The following CCDC174 variants were observed in gnomAD, a reference collection of about 807,000 sequenced individuals.
CCDC174 encodes the protein coiled-coil domain-containing protein 174.
CCDC174 carries 37 observed loss-of-function variants against 57.1 expected under a neutral mutation model. The observed-to-expected ratio is 0.65, with a 90% CI of 0.50 to 0.85. CCDC174 has a LOEUF of 0.85. Ranked by LOEUF, CCDC174 falls within the 40% of genes least tolerant of loss-of-function variation. The pLI, the probability that CCDC174 is intolerant of heterozygous loss-of-function variation, is 0.00. For missense variants in CCDC174, 540 were observed against 574.3 expected, an observed-to-expected ratio of 0.94 and a Z score of 0.61; for synonymous variants, 182 against 190.2, an observed-to-expected ratio of 0.96 and a Z score of 0.35.
At chr3:14,651,946 G>T in intron 1 of CCDC174, 68 bp downstream of exon 1, 1 of 1,497,138 alleles carries the variant, frequency 6.7e-7, no homozygotes, top group South Asian at 1.1e-5. Context: ...CAAGAATGTC[G>T]ACCTAGCTTG....
At chr3:14,652,791 A>G (rs922302527) in intron 1 of CCDC174, among the ~76,000 whole-genome samples, 5 of 151,280 alleles carry the variant, frequency 3.3e-5, no homozygotes, top group Non-Finnish European at 1.5e-5. Flanking sequence ...AATCCCAGCT[A>G]CTCGGGAAGC....
chr3:14,662,629 A>G (rs920094103), intron 5 of CCDC174, among the ~76,000 whole-genome samples: 6 of 152,116 alleles, frequency 3.9e-5, no homozygotes, highest in African/African-American at 1.2e-4. Context: ...TGCTCTGACA[A>G]TTTCCTGGGA....
intron 2 of CCDC174, among the ~76,000 whole-genome samples, chr3:14,654,850 AT>A (rs2030898234): frequency 6.6e-6 from 1 of 152,240 alleles, no homozygotes; most frequent in South Asian, 2.1e-4. Flanking sequence ...TAATATAGGA[AT>A]ATAGCGGAAA....
chr3:14,667,867 ACATCAGAGGGTT>A (rs2031391375), intron 8 of CCDC174, 170 bp from the exon 9 acceptor site: 4 of 606,768 alleles, frequency 6.6e-6, no homozygotes, highest in Non-Finnish European at 1.2e-5. Context: ...ACTTTGTAAG[ACATCAGAGGGTT>A]CATAGGAGAG....
At chr3:14,658,176 A>G (rs1421465452) in intron 3 of CCDC174, among the ~76,000 whole-genome samples, 2 of 152,206 alleles carry the variant, frequency 1.3e-5, no homozygotes, top group African/African-American at 4.8e-5. Context: ...CATCTCTAGA[A>G]TGGGAACTCC....
chr3:14,671,121 A>AC lies in CCDC174; in HGVS notation c.1334dup (p.Pro446ThrfsTer13), dbSNP rs1214992447. 6.2e-7 allele frequency: 1 copy of AC among 1,614,066 alleles called. No individual in the cohort carries two copies. The highest frequency in any genetic ancestry group is 1.1e-5 in the South Asian group (1 of 91,070). On this transcript the variant is annotated frameshift_variant, in exon 11 of 11. Coordinates refer to ENST00000383794, the MANE Select transcript of CCDC174 (RefSeq NM_016474.5). LOFTEE classifies it high-confidence loss of function. ...ACGTCACCCACTCCTGCCCCCGACAACCCACCACAAGCCCCCACAGTTACT... is the reference window on the plus strand; with the variant it reads ...ACGTCACCCACTCCTGCCCCCGACAACCCCACCACAAGCCCCCACAGTTACT...
chr3:14,661,614 A>G lies in CCDC174; in HGVS notation c.392A>G (p.His131Arg). 6.2e-7 allele frequency: 1 copy of G among 1,614,196 alleles called. No individual in the cohort carries two copies. The highest frequency in any genetic ancestry group is 8.5e-7 in the Non-Finnish European group (1 of 1,179,996). The change falls in exon 5 of 11, where the codon CAT (histidine) becomes CGT (arginine). Residue 131 changes from histidine (H) to arginine (R), a missense_variant. By Grantham distance (29) the His-to-Arg change is conservative. Transcript: ENST00000383794. Reference protein sequence around the residue: ...KRKEMEASGAHRDSQKAGERD... With the variant: ...KRKEMEASGARRDSQKAGERD... The stretch of plus-strand genomic sequence containing the variant: ...AAAGAAATGGAGGCATCTGGTGCCC[A>G]TAGAGATTCTCAAAAGGCAGGAGAA...
Position 14,651,770 on chromosome 3 carries a change from G to A in CCDC174, c.-67G>A, listed in dbSNP as rs2030768472. The A allele has an allele frequency of 1.3e-6, 2 of 1,533,310 alleles. No individual in the cohort carries two copies. Among genetic ancestry groups the A allele is most frequent in the African/African-American group, 1.4e-5 (1 of 73,326 alleles). The allele number at this position is 1,533,310 out of a possible 1,614,324, so 95.0% of individuals were successfully genotyped here. ...CGAAGACACTTCCGGTTGCGACGGA[G>A]GTAGGCTTACGAGGCCTGTGTCGGG... On this transcript the variant is annotated 5_prime_UTR_variant, in exon 1 of 11. Coordinates refer to ENST00000383794, the MANE Select transcript of CCDC174 (RefSeq NM_016474.5).
intron 5 of CCDC174, among the ~76,000 whole-genome samples, chr3:14,663,416 G>T (rs1207495136): frequency 6.6e-6 from 1 of 152,144 alleles, no homozygotes. Flanking sequence ...CACATACTAG[G>T]CCTCATTATC....
chr3:14,664,034 T>C (rs2031237804), intron 5 of CCDC174, among the ~76,000 whole-genome samples: 1 of 151,026 alleles, frequency 6.6e-6, no homozygotes, highest in Non-Finnish European at 1.5e-5. Context: ...GATGGTTTTC[T>C]TCCCCCATCC....
At chr3:14,660,737 G>T (rs1184552178) in intron 4 of CCDC174, among the ~76,000 whole-genome samples, 1 of 152,186 alleles carries the variant, frequency 6.6e-6, no homozygotes, top group Non-Finnish European at 1.5e-5. Context: ...ACCACCCCTG[G>T]TAATAGGGAG....
rs139562379 is a variant in CCDC174, at chr3:14,661,586, C to T, written c.364C>T (p.Arg122Cys). ...VDFTQKIIDK[R>C]KEMEASGAHR... The stretch of plus-strand genomic sequence containing the variant: ...TTTCACACAGAAGATCATAGACAAG[C>T]GCAAAGAAATGGAGGCATCTGGTGC... Residue 122 changes from arginine to cysteine, a missense_variant, in exon 5 of 11, where the codon CGC becomes TGC. Physicochemically the swap from Arg to Cys is radical, Grantham distance 180. Transcript: ENST00000383794. The T allele has an allele frequency of 2.9e-5, 46 of 1,614,014 alleles. No individual in the cohort carries two copies. Among genetic ancestry groups the T allele is most frequent in the South Asian group, 1.2e-4 (11 of 91,080 alleles).
At chr3:14,664,979 T>G in intron 5 of CCDC174, 49 bp from the exon 6 acceptor site, 1 of 1,368,768 alleles carries the variant, frequency 7.3e-7, no homozygotes, top group South Asian at 1.2e-5. Flanking sequence ...ACTTAGGGGC[T>G]TGTACATGTG....
intron 4 of CCDC174, among the ~76,000 whole-genome samples, chr3:14,661,209 G>T (rs764952507): frequency 6.6e-6 from 1 of 152,224 alleles, no homozygotes; most frequent in African/African-American, 2.4e-5. Context: ...TTTTGCTTCC[G>T]TATGATGTAA....
At chr3:14,651,983 T>C in intron 1 of CCDC174, 105 bp downstream of exon 1, 1 of 1,127,164 alleles carries the variant, frequency 8.9e-7, no homozygotes, top group Non-Finnish European at 1.3e-6. Context: ...CCCAGAGACC[T>C]GACCTCTCCC....
At chr3:14,670,822 A>G (rs912262005) in intron 10 of CCDC174, 74 bp from the exon 11 acceptor site, 4 of 1,251,718 alleles carry the variant, frequency 3.2e-6, no homozygotes, top group Admixed American at 5.2e-5. Context: ...ATATGATACA[A>G]TTAGATAATA....
intron 3 of CCDC174, among the ~76,000 whole-genome samples, chr3:14,657,985 T>C (rs2031017144): frequency 6.6e-6 from 1 of 152,242 alleles, no homozygotes; most frequent in African/African-American, 2.4e-5. Context: ...GATGACCAGC[T>C]AGTTACAGTA....
chr3:14,664,153 A>G (rs548974117), intron 5 of CCDC174, among the ~76,000 whole-genome samples: 1 of 152,350 alleles, frequency 6.6e-6, no homozygotes, highest in East Asian at 1.9e-4. Flanking sequence ...TTTAAATCAC[A>G]ACTAACAATT....
At chr3:14,666,726 C>A in intron 6 of CCDC174, 79 bp from the exon 7 acceptor site, 2 of 1,127,066 alleles carry the variant, frequency 1.8e-6, no homozygotes, top group Non-Finnish European at 2.5e-6. Context: ...GTTACTTATG[C>A]ATGATGCAAC....
Sources: allele counts gnomAD v4.1 joint callset (sites outside exome capture counted in the v4.1 genomes callset), GRCh38; gene constraint gnomAD v4.1.1; transcripts MANE v1.5; gene names NCBI Gene and HGNC (gene_info 2026-07-23, HGNC 2026-07-21).